TMPRSS9: variants seen among roughly 807,000 people sequenced by gnomAD.
The protein encoded by TMPRSS9 is transmembrane serine protease 9.
Under a neutral mutation model 111.4 loss-of-function variants are expected in TMPRSS9, and 113 were observed. The observed-to-expected ratio is 1.01, with a 90% confidence interval of 0.87 to 1.19. TMPRSS9 has a LOEUF of 1.19. Ranked by LOEUF, TMPRSS9 falls within the 50% of genes most tolerant of loss-of-function variation. The probability of loss-of-function intolerance (pLI) is 0.00; values close to 1 mark genes in which losing one functional copy is unlikely to be tolerated. For missense variants in TMPRSS9, 1,803 were observed against 1,513.1 expected, an observed-to-expected ratio of 1.19 and a Z score of -3.18; for synonymous variants, 805 against 659.1, an observed-to-expected ratio of 1.22 and a Z score of -3.39.
chr19:2,396,504 G>C (rs765584959), intron 1 of TMPRSS9, 35 bp from the exon 3 acceptor site: 6 of 1,561,454 alleles, frequency 3.8e-6, no homozygotes, highest in South Asian at 1.2e-5. Context: ...GCCCCCAAAG[G>C]TGGGCTCTCT....
At chr19:2,367,633 A>G (rs959040117) in intron 1 of TMPRSS9, among the ~76,000 whole-genome samples, 2 of 145,142 alleles carry the variant, frequency 1.4e-5, no homozygotes, top group Non-Finnish European at 3.0e-5. Context: ...GCACGATCTC[A>G]GCTCACTGCA....
At chr19:2,425,454 G>C in exon 17 of TMPRSS9, 1 of 1,592,476 alleles carries the variant, frequency 6.3e-7, no homozygotes, top group African/African-American at 1.3e-5. Context: ...GCCGCATGCT[G>C]TGTGCCGGCT....
At chr19:2,370,394 C>T (rs1970278676) in intron 1 of TMPRSS9, among the ~76,000 whole-genome samples, 1 of 143,996 alleles carries the variant, frequency 6.9e-6, no homozygotes, top group Non-Finnish European at 1.5e-5. Flanking sequence ...GCACTCCAGC[C>T]TGGGTGATAG....
intron 6 of TMPRSS9, among the ~76,000 whole-genome samples, chr19:2,403,406 A>T (rs1465237869): frequency 2.0e-5 from 3 of 152,116 alleles, no homozygotes; most frequent in Non-Finnish European, 4.4e-5. Flanking sequence ...GTGTGATGGG[A>T]AGAAGCCTGG....
At chr19:2,411,183 C>T (rs1384433359) in intron 9 of TMPRSS9, among the ~76,000 whole-genome samples, 1 of 150,858 alleles carries the variant, frequency 6.6e-6, no homozygotes, top group African/African-American at 2.4e-5. Flanking sequence ...GCCTGTAATC[C>T]CAGCTCCTCG....
At chr19:2,406,689 C>G (rs1274879763) in intron 7 of TMPRSS9, among the ~76,000 whole-genome samples, 1 of 151,238 alleles carries the variant, frequency 6.6e-6, no homozygotes, top group Non-Finnish European at 1.5e-5. Context: ...TAGCATCTCC[C>G]TGTGGTTTTG....
rs1239228676 is a variant in TMPRSS9, at chr19:2,424,996, C to G, written c.2718-6C>G. On this transcript the variant is annotated splice_region_variant and splice_polypyrimidine_tract_variant and intron_variant, in intron 15 of 17. Coordinates refer to ENST00000648592, the Ensembl canonical transcript of TMPRSS9. ...GGGCCGACGCCTGTCCTCGCGCGCCCCGCAGCTACGGGGACCCCAAGCAGT... is the reference window on the plus strand; with the variant it reads ...GGGCCGACGCCTGTCCTCGCGCGCCGCGCAGCTACGGGGACCCCAAGCAGT... The G allele has an allele frequency of 2.0e-6, 3 of 1,516,888 alleles. No individual in the cohort carries two copies. Among genetic ancestry groups the G allele is most frequent in the Non-Finnish European group, 2.6e-6 (3 of 1,137,574 alleles). 94.0% of individuals were successfully genotyped at this position (1,516,888 alleles called of 1,614,324 possible).
chr19:2,425,689 C>A, intron 17 of TMPRSS9, 196 bp downstream of exon 18: 1 of 1,231,610 alleles, frequency 8.1e-7, no homozygotes, highest in African/African-American at 1.6e-5. Flanking sequence ...CGCATCCCAT[C>A]CCCGGGCCTC....
In TMPRSS9 at chr19:2,405,595, G is replaced by T. The variant is rs769025767; in HGVS notation, c.842+50G>T. The T allele has an allele frequency of 7.6e-6, 11 of 1,453,016 alleles. No individual in the cohort carries two copies. In the East Asian group the frequency reaches 2.7e-4, roughly 36 times the overall value. The allele number at this position is 1,453,016 out of a possible 1,614,324, so 90.0% of individuals were successfully genotyped here. ...AACCCGAACCCTCTGTATTTCTCCT[G>T]CCTTCCCTCGTGCACTGGGGACGTC... On this transcript the variant is annotated intron_variant, in intron 7 of 17. Transcript: ENST00000648592.
At chr19:2,378,162 G>A (rs981165438) in intron 1 of TMPRSS9, among the ~76,000 whole-genome samples, 2 of 152,162 alleles carry the variant, frequency 1.3e-5, no homozygotes, top group South Asian at 4.1e-4. Context: ...TGACAGGCAT[G>A]AGCTGCCACA....
intron 4 of TMPRSS9, among the ~76,000 whole-genome samples, chr19:2,400,576 T>C (rs1970814064): frequency 2.6e-5 from 4 of 151,954 alleles, no homozygotes; most frequent in South Asian, 4.1e-4. Context: ...AATAAAATTA[T>C]ACAGTGCATG....
chr19:2,375,622 A>T (rs960172218), intron 1 of TMPRSS9, among the ~76,000 whole-genome samples: 2 of 151,818 alleles, frequency 1.3e-5, no homozygotes, highest in Non-Finnish European at 2.9e-5. Flanking sequence ...GGAAGGGTGG[A>T]AGCTGTGATT....
In TMPRSS9 at chr19:2,425,492, C is replaced by G. The variant is rs934637862; in HGVS notation, c.3119C>G (p.Ser1040Trp). 6 of 1,575,328 alleles carry G rather than the reference C, an allele frequency of 3.8e-6. No individual in the cohort carries two copies. The highest frequency in any genetic ancestry group is 5.1e-6 in the Non-Finnish European group (6 of 1,167,702). ...CCGCAGGGTGGCGTGGACAGCTGCT[C>G]GGTGAGCCCCGCCCCGGCCCAGGGG... Residue 1040 changes from serine to tryptophan, a missense_variant and splice_region_variant, in exon 17 of 18, where the codon TCG (serine) becomes TGG (tryptophan). Coordinates refer to ENST00000648592, the Ensembl canonical transcript of TMPRSS9.
exon 13 of TMPRSS9, chr19:2,418,088 G>A (rs757843589): frequency 1.9e-6 from 3 of 1,612,338 alleles, no homozygotes; most frequent in South Asian, 2.2e-5. Context: ...CTCCCTCACA[G>A]ACCGCATGAT....
chr19:2,421,780 C>A (rs929290784), intron 13 of TMPRSS9, 74 bp from the exon 15 acceptor site: 1 of 1,490,868 alleles, frequency 6.7e-7, no homozygotes, highest in Non-Finnish European at 9.0e-7. Flanking sequence ...ACTGTAGGAA[C>A]GCAGGAGGGT....
exon 8 of TMPRSS9, chr19:2,408,516 C>T (rs935227569): frequency 8.1e-6 from 13 of 1,613,742 alleles, no homozygotes; most frequent in African/African-American, 1.3e-5. Flanking sequence ...GCTGACCAGC[C>T]CTCTGCCTTT....
intron 9 of TMPRSS9, among the ~76,000 whole-genome samples, chr19:2,410,678 C>T (rs564029060): frequency 6.6e-6 from 1 of 152,244 alleles, no homozygotes; most frequent in South Asian, 2.1e-4. Context: ...CCCTCCATGG[C>T]TCCCTGCTCC....
intron 1 of TMPRSS9, among the ~76,000 whole-genome samples, chr19:2,369,721 G>T (rs1341361783): frequency 6.6e-6 from 1 of 151,002 alleles, no homozygotes; most frequent in Non-Finnish European, 1.5e-5. Context: ...TTACAGACCT[G>T]AGCCACTGCA....
chr19:2,412,036 G>A (rs8112810), intron 9 of TMPRSS9, among the ~76,000 whole-genome samples: 53,915 of 151,820 alleles, frequency 0.36, 10,944 homozygotes, highest in African/African-American at 0.57. Flanking sequence ...TCAGGCAAAC[G>A]TAAGTTATTC....
Sources: allele counts gnomAD v4.1 joint callset (sites outside exome capture counted in the v4.1 genomes callset), GRCh38; gene constraint gnomAD v4.1.1; transcripts MANE v1.5; gene names NCBI Gene and HGNC (gene_info 2026-07-23, HGNC 2026-07-21).